Variants in PEX7 observed in about 807,000 individuals in gnomAD.
PEX7 encodes peroxisomal biogenesis factor 7, also known as PTS2 receptor.
In PEX7, 34 loss-of-function variants were observed where a neutral mutation model predicts 47.5. The observed-to-expected ratio is 0.72, with a 90% CI of 0.54 to 0.95. The LOEUF (loss-of-function observed/expected upper bound fraction) is 0.95, where lower values mean the gene tolerates loss of function less well. Ranked by LOEUF, PEX7 falls within the 40% of genes least tolerant of loss-of-function variation. The pLI, the probability that PEX7 is intolerant of heterozygous loss-of-function variation, is 0.00. For missense variants in PEX7, 394 were observed against 400.3 expected (o/e 0.98, Z 0.13); for synonymous variants, 141 against 148.8 (o/e 0.95, Z 0.38).
chr6:136,828,995 C>T (rs772650143), intron 3 of PEX7, among the ~76,000 whole-genome samples: 35 of 152,138 alleles, frequency 2.3e-4, no homozygotes, highest in South Asian at 4.1e-4. Context: ...TAGACTTCCT[C>T]GTTTTCTTTT....
intron 2 of PEX7, among the ~76,000 whole-genome samples, 167 bp from the exon 3 acceptor site, chr6:136,826,152 A>G (rs1321526071): frequency 2.0e-5 from 3 of 152,104 alleles, no homozygotes; most frequent in Non-Finnish European, 4.4e-5. Context: ...CATATTTGTC[A>G]AGTACCTACT....
chr6:136,840,887 C>T (rs558834942), intron 3 of PEX7, among the ~76,000 whole-genome samples: 2 of 152,298 alleles, frequency 1.3e-5, no homozygotes, highest in Admixed American at 1.3e-4. Context: ...AGTCTCTGCA[C>T]AGAGAGGTCT....
chr6:136,868,663 TAGTC>T (rs1000512218), intron 6 of PEX7, among the ~76,000 whole-genome samples: 9 of 151,944 alleles, frequency 5.9e-5, no homozygotes, highest in African/African-American at 2.2e-4. Flanking sequence ...AAGCCCAACA[TAGTC>T]AGACAATGTT....
chr6:136,873,748 T>G (rs1775220128), intron 8 of PEX7, among the ~76,000 whole-genome samples: 1 of 152,214 alleles, frequency 6.6e-6, no homozygotes, highest in Non-Finnish European at 1.5e-5. Flanking sequence ...AGATTCTGAC[T>G]TTAATGCAAA....
At chr6:136,840,422 A>G (rs1395193112) in intron 3 of PEX7, among the ~76,000 whole-genome samples, 2 of 152,118 alleles carry the variant, frequency 1.3e-5, no homozygotes, top group African/African-American at 4.8e-5. Flanking sequence ...TCCCTAAGTC[A>G]TGCATAGTTT....
intron 3 of PEX7, among the ~76,000 whole-genome samples, chr6:136,843,010 G>GCT (rs1774529750): frequency 6.6e-6 from 1 of 152,206 alleles, no homozygotes; most frequent in Non-Finnish European, 1.5e-5. Context: ...CTCCAGTAAA[G>GCT]GGTGAAACCA....
rs1184247905 is a variant in PEX7 at position 136,863,558 on chromosome 6, G to A, written c.527-3069G>A. On this transcript the variant is annotated intron_variant, in intron 5 of 9. Transcript: ENST00000318471. Reference sequence around the variant, plus strand: ...CATGACTGTTGTGGCCTCTGGGCAGGGAGGATGGGAAGTGGTATTGAAAAT... The same window carrying A: ...CATGACTGTTGTGGCCTCTGGGCAGAGAGGATGGGAAGTGGTATTGAAAAT... Among the ~76,000 whole-genome samples, 4 of 152,240 alleles carry A rather than the reference G, an allele frequency of 2.6e-5. No individual in the cohort carries two copies. The South Asian group carries it at 6.2e-4, about 24-fold the overall frequency.
chr6:136,835,221 A>T (rs887652916), intron 3 of PEX7, among the ~76,000 whole-genome samples: 1 of 151,604 alleles, frequency 6.6e-6, no homozygotes, highest in African/African-American at 2.4e-5. Flanking sequence ...CACTGTCCCT[A>T]GCCTTAAGTC....
rs546769112 is a variant in PEX7, at chr6:136,823,847, G to A, written c.130+1052G>A. On this transcript the variant is annotated intron_variant, in intron 1 of 9. Coordinates refer to ENST00000318471, the MANE Select transcript of PEX7 (RefSeq NM_000288.4). The stretch of plus-strand genomic sequence containing the variant: ...AGAGGTTGCGGTGAGCCGAGATCGT[G>A]CCATTGCACTCCAGCCTGGGCAAGA... 6.6e-5 allele frequency among the ~76,000 whole-genome samples: 10 copies of A among 152,014 alleles called. No individual in the cohort carries two copies. In the South Asian group the frequency reaches 2.1e-3, roughly 32 times the overall value.
intron 5 of PEX7, among the ~76,000 whole-genome samples, chr6:136,848,641 A>G (rs956220278): frequency 2.0e-5 from 3 of 151,964 alleles, no homozygotes; most frequent in African/African-American, 7.3e-5. Flanking sequence ...TGTTTATATG[A>G]TGGATTACAT....
intron 5 of PEX7, among the ~76,000 whole-genome samples, chr6:136,848,325 A>G (rs1774668720): frequency 6.6e-6 from 1 of 152,086 alleles, no homozygotes; most frequent in South Asian, 2.1e-4. Context: ...CTAATTGAAT[A>G]CCCTTTATTT....
At chr6:136,868,715 T>C (rs1440003337) in intron 6 of PEX7, among the ~76,000 whole-genome samples, 1 of 146,122 alleles carries the variant, frequency 6.8e-6, no homozygotes, top group Non-Finnish European at 1.5e-5. Context: ...TTGCCATTAC[T>C]TTCAATGGCA....
chr6:136,826,196 A>C (rs1404891438), intron 2 of PEX7, 123 bp from the exon 3 acceptor site: 1 of 1,030,222 alleles, frequency 9.7e-7, no homozygotes, highest in Non-Finnish European at 1.5e-6. Flanking sequence ...AGATTACATG[A>C]GATATACGTG....
chr6:136,839,947 G>C (rs1447040999), intron 3 of PEX7, among the ~76,000 whole-genome samples: 1 of 152,110 alleles, frequency 6.6e-6, no homozygotes, highest in East Asian at 1.9e-4. Flanking sequence ...GGGAAGGGAG[G>C]ATTTGTCTGG....
intron 8 of PEX7, among the ~76,000 whole-genome samples, chr6:136,874,545 G>C (rs1775235146): frequency 6.6e-6 from 1 of 151,760 alleles, no homozygotes; most frequent in East Asian, 2.0e-4. Context: ...GATGGCAGGT[G>C]CCTGTAATCC....
At position 136,900,416 on chromosome 6, in the gene PEX7, T is replaced by A; in HGVS notation, c.903+2175T>A. On this transcript the variant is annotated intron_variant, in intron 9 of 9. Coordinates refer to ENST00000318471, the MANE Select transcript of PEX7 (RefSeq NM_000288.4). This position sits in a 1 kb window ranked among gnomAD's most constrained non-coding sequence, Gnocchi z 4.2. ...GTGGCAGGTTCTTTAGCCTTTGCCT[T>A]TTCCAGCTTGGCAGTGTGAGCCACA... 1 of 405,092 alleles carries A rather than the reference T, an allele frequency of 2.5e-6. No individual in the cohort carries two copies. Among genetic ancestry groups the A allele is most frequent in the Admixed American group, 2.5e-5 (1 of 40,726 alleles). The allele number at this position is 405,092 out of a possible 1,614,324, so 25.1% of individuals were successfully genotyped here. A position where few individuals can be genotyped will look rare whatever the true frequency, so the allele number is the denominator to read the frequency against.
chr6:136,833,876 C>G (rs569324696), intron 3 of PEX7, among the ~76,000 whole-genome samples: 3 of 152,276 alleles, frequency 2.0e-5, no homozygotes, highest in Admixed American at 2.0e-4. Context: ...CCTGTCTCTA[C>G]TTGTAGCACA....
chr6:136,870,948 C>G (rs1163714986), intron 7 of PEX7: 1 of 163,570 alleles, frequency 6.1e-6, no homozygotes, highest in Non-Finnish European at 1.3e-5. Context: ...ATCTGCCTGC[C>G]TTAGCCTTCC....
intron 3 of PEX7, among the ~76,000 whole-genome samples, chr6:136,837,361 C>CAAAGAA (rs1703726445): frequency 1.2e-5 from 1 of 83,452 alleles, no homozygotes; most frequent in African/African-American, 4.7e-5. Flanking sequence ...GAGTCTGTCA[C>CAAAGAA]AAAAAAAAAA....
Sources: gnomAD v4.1 joint callset for allele counts (sites outside exome capture counted in the v4.1 genomes callset) on GRCh38, gnomAD v4.1.1 for gene constraint, Gnocchi (gnomAD v3.1) non-coding constraint, MANE v1.5 for transcripts, NCBI Gene and HGNC (gene_info 2026-07-23, HGNC 2026-07-21) for gene names.